PRKG1: variants seen among roughly 807,000 people sequenced by gnomAD.
PRKG1 encodes the protein cGMP-dependent protein kinase 1.
Under a neutral mutation model 88.1 loss-of-function variants are expected in PRKG1, and 35 were observed. The observed-to-expected ratio is 0.40, with a 90% CI of 0.30 to 0.53. The LOEUF is 0.53. Ranked by LOEUF, PRKG1 falls within the 20% of genes least tolerant of loss-of-function variation. PRKG1 has a pLI of 0.59. For synonymous variants in PRKG1, 303 were observed against 292.5 expected, an observed-to-expected ratio of 1.04 and a Z score of -0.37; for missense variants, 540 against 839.8, an observed-to-expected ratio of 0.64 and a Z score of 4.41.
At chr10:51,730,571 A>G (rs977928905) in intron 3 of PRKG1, among the ~76,000 whole-genome samples, 15 of 152,304 alleles carry the variant, frequency 9.8e-5, no homozygotes, top group Non-Finnish European at 1.8e-4. Flanking sequence ...GTATTGCAAT[A>G]AATTAAACTA....
chr10:51,442,759 GAA>G (rs1425907880), intron 2 of PRKG1, among the ~76,000 whole-genome samples: 2 of 151,992 alleles, frequency 1.3e-5, no homozygotes, highest in African/African-American at 4.8e-5. Context: ...TACTTTAATA[GAA>G]AAAGTGTCAT....
intron 9 of PRKG1, among the ~76,000 whole-genome samples, chr10:52,216,339 G>A (rs1446600566): frequency 6.6e-6 from 1 of 152,118 alleles, no homozygotes; most frequent in African/African-American, 2.4e-5. Context: ...CAGGCTCCTG[G>A]GCTGGGGATC....
In PRKG1 at chr10:51,453,209, G is replaced by T. The variant is rs1180712023; in HGVS notation, c.479-14514G>T. ...TCTTCTTCATTAATCTCACTAAATG[G>T]TCTATCAGTTTGGTTTATCCTTTCA... On this transcript the variant is annotated intron_variant, in intron 2 of 17. Coordinates refer to ENST00000373980, the MANE Select transcript of PRKG1 (RefSeq NM_006258.4). Among the ~76,000 whole-genome samples the T allele has an allele frequency of 2.6e-5, 4 of 151,798 alleles. No homozygotes were observed. In the East Asian group the frequency reaches 7.7e-4, roughly 29 times the overall value.
At chr10:51,995,111 G>T (rs977218327) in intron 5 of PRKG1, among the ~76,000 whole-genome samples, 13 of 152,048 alleles carry the variant, frequency 8.5e-5, no homozygotes, top group African/African-American at 2.9e-4. Flanking sequence ...GTAAGAGACA[G>T]AGCTTTAATT....
chr10:51,506,194 T>A (rs1353914406), intron 3 of PRKG1, among the ~76,000 whole-genome samples: 1 of 152,140 alleles, frequency 6.6e-6, no homozygotes, highest in Non-Finnish European at 1.5e-5. Flanking sequence ...CCTAAAACCA[T>A]GAAAATCCTA....
rs532638915 is a variant in PRKG1 at position 51,783,446 on chromosome 10, T to G, written c.593-21139T>G. ...AGCGTCCCCCACCACGCTCAGCAAA[T>G]TTTTGTGTTTTTAGTAGAGGTGGGG... is the stretch of plus-strand genomic sequence containing the variant. On this transcript the variant is annotated intron_variant, in intron 3 of 17. Coordinates refer to ENST00000373980, the MANE Select transcript of PRKG1 (RefSeq NM_006258.4). 4.6e-5 allele frequency among the ~76,000 whole-genome samples: 7 copies of G among 152,034 alleles called. No individual in the cohort carries two copies. In the South Asian group the frequency reaches 1.5e-3, roughly 32 times the overall value.
chr10:51,382,400 T>C lies in PRKG1; in HGVS notation c.479-85323T>C, dbSNP rs113598540. ...GAGTCCCATCTGTGATTAAGTAAGG[T>C]TGGAATTTCTAAGGGCTGTCTTTAA... is the stretch of plus-strand genomic sequence containing the variant. On this transcript the variant is annotated intron_variant, in intron 2 of 17. Coordinates refer to ENST00000373980, the MANE Select transcript of PRKG1 (RefSeq NM_006258.4). 5.2e-3 allele frequency among the ~76,000 whole-genome samples: 786 copies of C among 152,296 alleles called. 6 individuals carry two copies. The highest frequency in any genetic ancestry group is 0.018 in the African/African-American group (761 of 41,562).
chr10:52,082,788 G>A (rs975451312), intron 7 of PRKG1, among the ~76,000 whole-genome samples: 14 of 152,046 alleles, frequency 9.2e-5, no homozygotes, highest in African/African-American at 3.4e-4. Flanking sequence ...GGGGTATTTA[G>A]CGTAGTTTCT....
chr10:52,020,736 A>G (rs2133190413), intron 5 of PRKG1, among the ~76,000 whole-genome samples: 1 of 152,216 alleles, frequency 6.6e-6, no homozygotes, highest in Middle Eastern at 3.4e-3. Flanking sequence ...AAGTTGTACA[A>G]TGCCCATCTG....
chr10:51,555,371 G>A (rs997253095), intron 3 of PRKG1, among the ~76,000 whole-genome samples: 2 of 151,742 alleles, frequency 1.3e-5, no homozygotes, highest in East Asian at 3.9e-4. Flanking sequence ...TTTATTGCTT[G>A]GGGATGCTCA....
At chr10:52,134,956 A>G (rs746426961) in intron 8 of PRKG1, among the ~76,000 whole-genome samples, 1 of 152,062 alleles carries the variant, frequency 6.6e-6, no homozygotes, top group South Asian at 2.1e-4. Context: ...ATAATTACCA[A>G]TTTGCTCTTC....
chr10:52,067,121 A>C (rs1434714077), intron 7 of PRKG1, among the ~76,000 whole-genome samples: 7 of 152,228 alleles, frequency 4.6e-5, no homozygotes, highest in African/African-American at 1.7e-4. Flanking sequence ...AGAAATTGAT[A>C]TAACTTTGAT....
intron 5 of PRKG1, among the ~76,000 whole-genome samples, chr10:51,954,659 A>G (rs1259391494): frequency 6.6e-6 from 1 of 152,196 alleles, no homozygotes; most frequent in East Asian, 1.9e-4. Context: ...TTTCAGGAGG[A>G]GTCATATGTA....
intron 5 of PRKG1, among the ~76,000 whole-genome samples, chr10:52,040,049 A>T (rs894347349): frequency 6.6e-6 from 1 of 152,148 alleles, no homozygotes; most frequent in South Asian, 2.1e-4. Context: ...CATGTAATTT[A>T]ATTCTCTCTT....
intron 8 of PRKG1, among the ~76,000 whole-genome samples, chr10:52,150,468 A>G (rs1163514369): frequency 6.6e-6 from 1 of 152,132 alleles, no homozygotes; most frequent in Non-Finnish European, 1.5e-5. Context: ...TAGTTTGTAC[A>G]ATCCTAATAC....
intron 3 of PRKG1, among the ~76,000 whole-genome samples, chr10:51,783,265 T>G (rs1335372282): frequency 1.3e-5 from 2 of 152,072 alleles, no homozygotes; most frequent in Non-Finnish European, 2.9e-5. Flanking sequence ...CTTAGACCAA[T>G]GGCTCTTTTT....
chr10:51,142,664 G>A (rs554398402), intron 1 of PRKG1, among the ~76,000 whole-genome samples: 1 of 152,178 alleles, frequency 6.6e-6, no homozygotes, highest in Non-Finnish European at 1.5e-5. Flanking sequence ...TATGAACTTG[G>A]CAGGCATCTA....
chr10:52,081,478 C>T (rs1220260105), intron 7 of PRKG1: 2 of 423,064 alleles, frequency 4.7e-6, no homozygotes, highest in South Asian at 1.7e-5. Flanking sequence ...CTCCTCACAC[C>T]ACCTAGCTAA....
intron 8 of PRKG1, among the ~76,000 whole-genome samples, chr10:52,150,727 T>G (rs1221954571): frequency 6.6e-6 from 1 of 152,172 alleles, no homozygotes; most frequent in African/African-American, 2.4e-5. Flanking sequence ...TAACAAAAAG[T>G]CTACTAAAAC....
Sources: allele counts gnomAD v4.1 joint callset (sites outside exome capture counted in the v4.1 genomes callset), GRCh38; gene constraint gnomAD v4.1.1; transcripts MANE v1.5; gene names NCBI Gene and HGNC (gene_info 2026-07-23, HGNC 2026-07-21).